Variants in TENM4 observed in about 807,000 individuals in gnomAD.
The protein encoded by TENM4 is teneurin transmembrane protein 4.
TENM4 carries 82 observed loss-of-function variants against 243.3 expected under a neutral mutation model. That is an observed-to-expected ratio of 0.34 (90% CI 0.28 to 0.40). TENM4 has a LOEUF of 0.40. Ranked by LOEUF, TENM4 falls within the 10% of genes least tolerant of loss-of-function variation. The pLI, the probability that TENM4 is intolerant of heterozygous loss-of-function variation, is 1.00. For synonymous variants in TENM4, 1,412 were observed against 1,456.3 expected (o/e 0.97, Z 0.69); for missense variants, 3,138 against 3,673.3 (o/e 0.85, Z 3.77).
intron 18 of TENM4, among the ~76,000 whole-genome samples, chr11:78,768,820 C>A (rs763240727): frequency 1.3e-5 from 2 of 152,184 alleles, no homozygotes; most frequent in East Asian, 1.9e-4. Context: ...TCTCTCCCCC[C>A]GAGCTGTGGG....
intron 1 of TENM4, among the ~76,000 whole-genome samples, chr11:79,439,491 G>A (rs777405912): frequency 6.6e-6 from 1 of 152,098 alleles, no homozygotes; most frequent in African/African-American, 2.4e-5. Context: ...TAAGGACCAC[G>A]CAGCTGAATT....
intron 2 of TENM4, among the ~76,000 whole-genome samples, chr11:79,224,857 A>G (rs1042781608): frequency 1.3e-5 from 2 of 151,906 alleles, no homozygotes; most frequent in Non-Finnish European, 1.5e-5. Context: ...AGGCTGAGAC[A>G]GGAGAATCAC....
chr11:79,217,268 C>T (rs568274823), intron 2 of TENM4, among the ~76,000 whole-genome samples: 1 of 152,086 alleles, frequency 6.6e-6, no homozygotes, highest in African/African-American at 2.4e-5. Context: ...TGAATATAGG[C>T]CCTCAAAGAC....
At chr11:78,911,970 C>A (rs1417340989) in intron 6 of TENM4, among the ~76,000 whole-genome samples, 1 of 152,114 alleles carries the variant, frequency 6.6e-6, no homozygotes, top group Non-Finnish European at 1.5e-5. Context: ...ATAGAGTGGT[C>A]TAGGAAAGCT....
At chr11:79,406,931 T>G (rs1858587331) in intron 1 of TENM4, among the ~76,000 whole-genome samples, 1 of 152,212 alleles carries the variant, frequency 6.6e-6, no homozygotes, top group Non-Finnish European at 1.5e-5. Flanking sequence ...GCAAAAAAAT[T>G]TGATCATCAA....
intron 12 of TENM4, among the ~76,000 whole-genome samples, chr11:78,830,917 G>A (rs1857965845): frequency 1.3e-5 from 2 of 152,150 alleles, no homozygotes; most frequent in Admixed American, 1.3e-4. Context: ...GATGAATTTA[G>A]ACATGAAATA....
At chr11:79,282,874 C>T (rs989896134) in intron 2 of TENM4, among the ~76,000 whole-genome samples, 1 of 151,958 alleles carries the variant, frequency 6.6e-6, no homozygotes, top group African/African-American at 2.4e-5. Context: ...CAGGCTGGGT[C>T]CCCAGTATTA....
At chr11:78,674,714 C>T (rs913829828) in intron 30 of TENM4, among the ~76,000 whole-genome samples, 4 of 152,112 alleles carry the variant, frequency 2.6e-5, no homozygotes, top group Admixed American at 2.0e-4. Context: ...GCTAGGCCTT[C>T]CTCGGGGAGC....
chr11:79,401,399 G>A (rs1858459048), intron 1 of TENM4, among the ~76,000 whole-genome samples: 1 of 152,190 alleles, frequency 6.6e-6, no homozygotes, highest in Non-Finnish European at 1.5e-5. Context: ...TAACCCCGGA[G>A]CCTCAGACTC....
intron 1 of TENM4, among the ~76,000 whole-genome samples, chr11:79,403,295 A>G (rs995223110): frequency 1.3e-5 from 2 of 152,260 alleles, no homozygotes; most frequent in African/African-American, 4.8e-5. Context: ...TTCATGAGAT[A>G]TCAACAAAAC....
intron 6 of TENM4, among the ~76,000 whole-genome samples, chr11:78,990,434 T>C (rs140512416): frequency 6.5e-4 from 99 of 152,104 alleles, no homozygotes; most frequent in African/African-American, 2.2e-3. Context: ...ACAATCTCCA[T>C]GGCAGCGCTG....
At chr11:79,308,216 C>CT (rs1035681700) in intron 1 of TENM4, among the ~76,000 whole-genome samples, 1 of 152,196 alleles carries the variant, frequency 6.6e-6, no homozygotes, top group African/African-American at 2.4e-5. Flanking sequence ...TCCCATGGAC[C>CT]TTTTTGAAAC....
At chr11:79,352,702 C>T (rs949560813) in intron 1 of TENM4, among the ~76,000 whole-genome samples, 2 of 152,164 alleles carry the variant, frequency 1.3e-5, no homozygotes, top group African/African-American at 4.8e-5. Context: ...CCCATAGCAG[C>T]CTCCTCTCTG....
At chr11:78,804,385 T>C (rs1857346447) in intron 15 of TENM4, among the ~76,000 whole-genome samples, 1 of 152,200 alleles carries the variant, frequency 6.6e-6, no homozygotes. Flanking sequence ...AGGGGCTCAG[T>C]AAGTATTTGC....
At chr11:79,032,809 TA>T (rs917471711) in intron 6 of TENM4, among the ~76,000 whole-genome samples, 1 of 152,198 alleles carries the variant, frequency 6.6e-6, no homozygotes, top group Non-Finnish European at 1.5e-5. Flanking sequence ...GCGATACTAA[TA>T]AATGAAAAGA....
chr11:79,088,495 G>A (rs1017349587), intron 4 of TENM4, among the ~76,000 whole-genome samples: 8 of 152,174 alleles, frequency 5.3e-5, no homozygotes, highest in African/African-American at 1.4e-4. Context: ...CGCCCCAGCT[G>A]TGTGCCAGGC....
At chr11:78,846,896 TTG>T (rs572225476) in intron 12 of TENM4, among the ~76,000 whole-genome samples, 142 of 152,274 alleles carry the variant, frequency 9.3e-4, no homozygotes, top group African/African-American at 3.2e-3. Flanking sequence ...AACCCTAATT[TTG>T]TTGAGAGTAC....
chr11:79,279,959 C>T lies in TENM4; in HGVS notation c.-265+17529G>A, dbSNP rs75356987. Among the ~76,000 whole-genome samples the T allele has an allele frequency of 7.8e-3, 1,192 of 152,182 alleles. 12 individuals carry two copies. The highest frequency in any genetic ancestry group is 0.028 in the African/African-American group (1,146 of 41,532). ...ATAAAAGGGGTGGAGGGAACTAGCT[C>T]GGCCCCCTTTTGTTGCCTCTTCTGT... On this transcript the variant is annotated intron_variant, in intron 2 of 33. Transcript: ENST00000278550.
intron 1 of TENM4, among the ~76,000 whole-genome samples, chr11:79,342,330 G>T (rs754381512): frequency 6.6e-6 from 1 of 152,216 alleles, no homozygotes; most frequent in African/African-American, 2.4e-5. Context: ...TCGCAATAGC[G>T]CACATGGGTG....
Sources: allele counts gnomAD v4.1 joint callset (sites outside exome capture counted in the v4.1 genomes callset), GRCh38; gene constraint gnomAD v4.1.1; transcripts MANE v1.5; gene names NCBI Gene and HGNC (gene_info 2026-07-23, HGNC 2026-07-21).